The following C3orf52 variants were observed in gnomAD, a reference collection of about 807,000 sequenced individuals.
The protein encoded by C3orf52 is TPA-induced transmembrane protein.
In C3orf52, 22 loss-of-function variants were observed where a neutral mutation model predicts 24.8. The ratio of observed to expected loss-of-function variants is 0.89; its 90% confidence interval spans 0.63 to 1.27. The LOEUF (loss-of-function observed/expected upper bound fraction) is 1.27, where lower values mean the gene tolerates loss of function less well. Ranked by LOEUF, C3orf52 falls within the 50% of genes most tolerant of loss-of-function variation. The pLI is 0.00. For synonymous variants in C3orf52, 93 were observed against 100.2 expected (o/e 0.93, Z 0.43); for missense variants, 265 against 260.7 (o/e 1.02, Z -0.11).
chr3:112,132,857 C>T (rs368739574), downstream of C3orf52: 26 of 490,896 alleles, frequency 5.3e-5, no homozygotes, highest in Admixed American at 4.4e-4. Context: ...GTCTTTCCAC[C>T]TTTCAGCTAT....
Position 112,117,442 on chromosome 3 carries a change from T to A in C3orf52, c.*796T>A, listed in dbSNP as rs576447730. The A allele has an allele frequency of 2.3e-4, 36 of 156,526 alleles. No homozygotes were observed. In the South Asian group the frequency reaches 7.3e-3, roughly 32 times the overall value. 9.7% of individuals were successfully genotyped at this position (156,526 alleles called of 1,614,324 possible). ...TGTTCCTGTGATTCCTGAACACCTT[T>A]TTGGAAATATGGGTCTCTGTGAGTT... is the stretch of plus-strand genomic sequence containing the variant. On this transcript the variant is annotated 3_prime_UTR_variant, in exon 6 of 6. Transcript: ENST00000264848.
chr3:112,109,886 T>C, intron 4 of C3orf52: 1 of 335,668 alleles, frequency 3.0e-6, no homozygotes, highest in South Asian at 5.0e-5. Context: ...GGTAAACCAT[T>C]TCTGTTTAAC....
chr3:112,126,269 G>A (rs2074315446), intron 4 of C3orf52, among the ~76,000 whole-genome samples: 1 of 152,174 alleles, frequency 6.6e-6, no homozygotes, highest in Non-Finnish European at 1.5e-5. Context: ...AAGATTCTAT[G>A]TAAATGAATT....
intron 3 of C3orf52, among the ~76,000 whole-genome samples, chr3:112,106,425 G>A (rs77368794): frequency 0.061 from 9,336 of 152,090 alleles, 392 homozygotes; most frequent in African/African-American, 0.12. Flanking sequence ...TTCTAGCTGC[G>A]GCTTGGTCTT....
intron 5 of C3orf52, among the ~76,000 whole-genome samples, chr3:112,115,620 A>G (rs1466521255): frequency 2.6e-5 from 4 of 152,208 alleles, no homozygotes; most frequent in Non-Finnish European, 4.4e-5. Flanking sequence ...CCACAACACA[A>G]AATTGTACAG....
chr3:112,131,555 G>A (rs977851677), downstream of C3orf52, among the ~76,000 whole-genome samples: 2 of 152,124 alleles, frequency 1.3e-5, no homozygotes, highest in African/African-American at 4.8e-5. Flanking sequence ...TCAAACTCCT[G>A]GGCTCAAGCA....
intron 2 of C3orf52, among the ~76,000 whole-genome samples, chr3:112,098,942 A>T (rs958419184): frequency 1.3e-5 from 2 of 152,262 alleles, no homozygotes; most frequent in African/African-American, 2.4e-5. Flanking sequence ...CCCAAATCTC[A>T]TGTTGAATGA....
At chr3:112,123,253 T>G (rs2074233838) in intron 4 of C3orf52, 3 of 923,184 alleles carry the variant, frequency 3.2e-6, no homozygotes, top group Non-Finnish European at 4.7e-6. Flanking sequence ...TCAAATGGTG[T>G]TGTTCAGGAT....
downstream of C3orf52, among the ~76,000 whole-genome samples, chr3:112,131,870 A>T (rs1408092319): frequency 2.0e-5 from 3 of 152,248 alleles, no homozygotes; most frequent in Non-Finnish European, 4.4e-5. Context: ...TTTAAAATAA[A>T]TAAAAAACCA....
intron 5 of C3orf52, 47 bp from the exon 6 acceptor site, chr3:112,116,595 T>A: frequency 6.9e-7 from 1 of 1,448,106 alleles, no homozygotes; most frequent in African/African-American, 1.4e-5. Context: ...CATTTAATAG[T>A]GGTTTTAAAA....
downstream of C3orf52, chr3:112,134,360 G>A (rs2074525638): frequency 6.6e-6 from 1 of 152,180 alleles, no homozygotes; most frequent in Admixed American, 6.5e-5. Context: ...GTCCACGGAT[G>A]GCAACTGCTA....
At chr3:112,089,529 C>A (rs1264807772) in intron 1 of C3orf52, among the ~76,000 whole-genome samples, 56 of 97,530 alleles carry the variant, frequency 5.7e-4, no homozygotes, top group African/African-American at 1.7e-3. Flanking sequence ...AACTTCGTCT[C>A]AAAAAAAAAA....
chr3:112,128,910 G>A (rs560484785), downstream of C3orf52: 4 of 152,350 alleles, frequency 2.6e-5, no homozygotes, highest in African/African-American at 9.6e-5. Context: ...ATGTAAAAAT[G>A]TTTGGAAAAC....
At chr3:112,126,120 G>A (rs181178670) in intron 4 of C3orf52, among the ~76,000 whole-genome samples, 2 of 152,266 alleles carry the variant, frequency 1.3e-5, no homozygotes, top group East Asian at 3.9e-4. Context: ...TCAGCATAGA[G>A]TTTTAGCATC....
chr3:112,097,089 C>T (rs1028542306), intron 2 of C3orf52, among the ~76,000 whole-genome samples: 17 of 152,052 alleles, frequency 1.1e-4, no homozygotes, highest in African/African-American at 3.6e-4. Context: ...TCTTTCCTTC[C>T]TCATAAGGAA....
chr3:112,128,153 C>CT (rs1011227331), intron 4 of C3orf52: 13 of 1,113,830 alleles, frequency 1.2e-5, no homozygotes, highest in Non-Finnish European at 1.6e-5. Flanking sequence ...CTGTGGAAAA[C>CT]TTTTTTTCTC....
intron 2 of C3orf52, 46 bp downstream of exon 2, chr3:112,093,535 C>T: frequency 6.4e-7 from 1 of 1,568,586 alleles, no homozygotes; most frequent in Non-Finnish European, 8.7e-7. Context: ...TAAGAACTTA[C>T]TTAAGGCTTG....
chr3:112,113,275 T>C, intron 5 of C3orf52, 130 bp downstream of exon 5: 1 of 660,530 alleles, frequency 1.5e-6, no homozygotes, highest in Non-Finnish European at 2.6e-6. Context: ...ATTTATTCAC[T>C]CATCCCCTCA....
At chr3:112,124,614 A>G (rs2074268620) in intron 4 of C3orf52, among the ~76,000 whole-genome samples, 1 of 152,170 alleles carries the variant, frequency 6.6e-6, no homozygotes, top group African/African-American at 2.4e-5. Context: ...GTCTCCAAAA[A>G]ATAAATAAAT....
Sources: gnomAD v4.1 joint callset for allele counts (sites outside exome capture counted in the v4.1 genomes callset) on GRCh38, gnomAD v4.1.1 for gene constraint, MANE v1.5 for transcripts, NCBI Gene and HGNC (gene_info 2026-07-23, HGNC 2026-07-21) for gene names.